The following TMEM63A variants were observed in gnomAD, a reference collection of about 807,000 sequenced individuals.
The protein encoded by TMEM63A is transmembrane protein 63A, also known as mechanosensitive cation channel TMEM63A.
TMEM63A carries 76 observed loss-of-function variants against 100.6 expected under a neutral mutation model. That is an observed-to-expected ratio of 0.76 (90% confidence interval 0.63 to 0.91). TMEM63A has a LOEUF of 0.91. Among genes scored for constraint, TMEM63A ranks in the 40% least tolerant of loss-of-function variants. The probability of loss-of-function intolerance (pLI) is 0.00; values close to 1 mark genes in which losing one functional copy is unlikely to be tolerated. For missense variants in TMEM63A, 876 were observed against 1,008.8 expected (o/e 0.87, Z 1.78); for synonymous variants, 401 against 401.1 (o/e 1.00, Z 0.00).
chr1:225,877,499 T>G lies in TMEM63A; in HGVS notation c.82A>C (p.Asn28His). The change falls in exon 3 of 25, where the codon AAC becomes CAC. Residue 28 changes from asparagine to histidine, a missense_variant. Physicochemically the swap from Asn to His is moderately conservative, Grantham distance 68. This residue lies in a region of TMEM63A where 43 missense variants were observed against 48.9 expected (regional missense o/e 0.88). Coordinates refer to ENST00000366835, the MANE Select transcript of TMEM63A (RefSeq NM_014698.3). Reference sequence around the variant, plus strand: ...GCCGAGTTGTAGCAATAGGAGTCGTTGGGCCGGTCCCCGAGTCCCAGCTGC... The same window carrying G: ...GCCGAGTTGTAGCAATAGGAGTCGTGGGGCCGGTCCCCGAGTCCCAGCTGC... ...REQLGLGDRPNDSYCYNSAKN... is the reference protein window; with the variant it reads ...REQLGLGDRPHDSYCYNSAKN... 1 of 1,614,186 alleles carries G rather than the reference T, an allele frequency of 6.2e-7. No individual in the cohort carries two copies. Among genetic ancestry groups the G allele is most frequent in the Non-Finnish European group, 8.5e-7 (1 of 1,180,032 alleles).
chr1:225,856,001 T>A, intron 17 of TMEM63A, 61 bp from the exon 18 acceptor site: 1 of 1,548,308 alleles, frequency 6.5e-7, no homozygotes, highest in South Asian at 1.2e-5. Context: ...TCACTACACA[T>A]GCTTTCATTT....
chr1:225,881,321 G>C (rs925025241), intron 1 of TMEM63A, among the ~76,000 whole-genome samples: 3 of 152,200 alleles, frequency 2.0e-5, no homozygotes, highest in African/African-American at 7.2e-5. Context: ...TTCTCTCACG[G>C]AGCTGTTGGG....
chr1:225,844,238 G>GA (rs1189914118), downstream of TMEM63A, among the ~76,000 whole-genome samples: 1 of 152,094 alleles, frequency 6.6e-6, no homozygotes, highest in Non-Finnish European at 1.5e-5. Context: ...TGGCAGGAGA[G>GA]AGGGGACAGG....
intron 10 of TMEM63A, chr1:225,864,944 G>A (rs1355719958): frequency 2.0e-5 from 3 of 152,172 alleles, no homozygotes; most frequent in African/African-American, 4.8e-5. Flanking sequence ...AACATAGCAA[G>A]ACTCTATCTC....
At chr1:225,842,391 G>A (rs1258399514), downstream of TMEM63A, 1 of 1,613,748 alleles carries the variant, frequency 6.2e-7, no homozygotes, top group East Asian at 2.2e-5. Flanking sequence ...ACTCTCCTGT[G>A]GGTCTGGCTG....
At chr1:225,852,795 T>C (rs760802560) in intron 19 of TMEM63A, 26 bp from the exon 20 acceptor site, 2 of 1,601,082 alleles carry the variant, frequency 1.2e-6, no homozygotes, top group Non-Finnish European at 1.7e-6. Context: ...GGTGAGGAGC[T>C]CATGGACTTG....
Position 225,865,705 on chromosome 1 carries a change from G to A in TMEM63A, c.746+192C>T. 1.7e-6 allele frequency: 1 copy of A among 603,150 alleles called. No homozygotes were observed. The highest frequency in any genetic ancestry group is 2.9e-5 in the East Asian group (1 of 34,990). 37.4% of individuals were successfully genotyped at this position (603,150 alleles called of 1,614,324 possible). Reference sequence around the variant, plus strand: ...ATAGGCCACCAGGGCGCTATTCACTGCACAGCACCAGCAGGGCTGGCACAC... The same window carrying A: ...ATAGGCCACCAGGGCGCTATTCACTACACAGCACCAGCAGGGCTGGCACAC... On this transcript the variant is annotated intron_variant, in intron 10 of 24. Coordinates refer to ENST00000366835, the MANE Select transcript of TMEM63A (RefSeq NM_014698.3). This position sits in a 1 kb window ranked among gnomAD's most constrained non-coding sequence, Gnocchi z 4.6.
chr1:225,862,803 G>A lies in TMEM63A; in HGVS notation c.795C>T (p.Asn265=), dbSNP rs10915888. ...TGCACAGGTAGATCAGTTTGGCCAC[G>A]TTGTAGCACAGCTGCACATCAACCA... is the stretch of plus-strand genomic sequence containing the variant. ...CEVVDVQLCY[N]VAKLIYLCKE... Residue 265 remains asparagine (N), a synonymous_variant, in exon 11 of 25, where the codon AAC becomes AAT. Coordinates refer to ENST00000366835, the MANE Select transcript of TMEM63A (RefSeq NM_014698.3). This position sits in a 1 kb window ranked among gnomAD's most constrained non-coding sequence, Gnocchi z 5.1. 6.7e-3 allele frequency: 10,863 copies of A among 1,613,824 alleles called. 613 individuals are homozygous for A. In the African/African-American group the frequency reaches 0.13, roughly 19 times the overall value.
intron 2 of TMEM63A, among the ~76,000 whole-genome samples, chr1:225,878,067 G>C (rs1313607580): frequency 1.3e-5 from 2 of 152,022 alleles, no homozygotes; most frequent in African/African-American, 4.8e-5. Flanking sequence ...AGGGAAGAAG[G>C]GAACATCCAA....
In TMEM63A at chr1:225,865,897, C is replaced by T. The variant is rs200544450; in HGVS notation, c.746G>A (p.Arg249Gln). The change falls in exon 10 of 25, where the codon CGG becomes CAG. Residue 249 changes from arginine (R) to glutamine (Q), a missense_variant and splice_region_variant. Coordinates refer to ENST00000366835, the MANE Select transcript of TMEM63A (RefSeq NM_014698.3). The surrounding 1 kb of genome is among the most constrained non-coding windows in gnomAD (Gnocchi z 4.6). Reference sequence around the variant, plus strand: ...CTCCCCTCCCACCCCACCTGCTTACCGGAAGTGGCTCTCCACAGTCTCCTT... The same window carrying T: ...CTCCCCTCCCACCCCACCTGCTTACTGGAAGTGGCTCTCCACAGTCTCCTT... Reference protein sequence around the residue: ...ARKETVESHFRDAYPTCEVVD... With the variant: ...ARKETVESHFQDAYPTCEVVD... 3.7e-6 allele frequency: 6 copies of T among 1,613,924 alleles called. No individual in the cohort carries two copies. Among genetic ancestry groups the T allele is most frequent in the East Asian group, 4.5e-5 (2 of 44,874 alleles).
chr1:225,877,428 G>A lies in TMEM63A; in HGVS notation c.153C>T (p.Pro51=), dbSNP rs769645712. ...AGCTGACGTCTATGAGCAGGACAGT[G>A]GGGATGCCACCAAAGGTGACCCCCT... The part of the protein sequence containing the change: ...VLQGVTFGGI[P]TVLLIDVSCF... Residue 51 remains proline (P), a synonymous_variant, in exon 3 of 25, where the codon CCC becomes CCT. Transcript: ENST00000366835. 1.4e-5 allele frequency: 23 copies of A among 1,614,050 alleles called. No homozygotes were observed. The African/African-American group carries it at 2.5e-4, about 18-fold the overall frequency.
At chr1:225,856,006 T>C in intron 17 of TMEM63A, 66 bp from the exon 18 acceptor site, 1 of 1,536,716 alleles carries the variant, frequency 6.5e-7, no homozygotes, top group African/African-American at 1.4e-5. Flanking sequence ...ACACATGCTT[T>C]CATTTTCTTT....
downstream of TMEM63A, chr1:225,845,166 C>T (rs1235534174): frequency 1.9e-6 from 3 of 1,614,162 alleles, no homozygotes; most frequent in African/African-American, 1.3e-5. Context: ...TATGTGCCCA[C>T]TGGCTTCTCT....
chr1:225,855,103 C>T (rs1219407347), intron 18 of TMEM63A, among the ~76,000 whole-genome samples: 1 of 152,184 alleles, frequency 6.6e-6, no homozygotes, highest in Non-Finnish European at 1.5e-5. Flanking sequence ...TCAGCAAGAA[C>T]TCATTTAAAA....
downstream of TMEM63A, among the ~76,000 whole-genome samples, chr1:225,841,548 T>G (rs569911289): frequency 6.6e-6 from 1 of 151,128 alleles, no homozygotes; most frequent in African/African-American, 2.4e-5. Context: ...CCTCCCAAAG[T>G]GCTGGGATTA....
intron 21 of TMEM63A, 35 bp from the exon 22 acceptor site, chr1:225,849,047 AGG>A: frequency 2.2e-6 from 1 of 461,094 alleles, no homozygotes. Context: ...TGGGGTGGGC[AGG>A]GAGGGGCCAC....
chr1:225,869,731 T>C (rs967470770), intron 6 of TMEM63A, among the ~76,000 whole-genome samples: 6 of 143,680 alleles, frequency 4.2e-5, no homozygotes, highest in East Asian at 2.1e-4. Flanking sequence ...GGGGTGATCT[T>C]GGCTCACTGC....
rs545333804 is a variant in TMEM63A at position 225,851,389 on chromosome 1, G to T, written c.1903+1275C>A. 2.6e-5 allele frequency among the ~76,000 whole-genome samples: 4 copies of T among 151,650 alleles called. No homozygotes were observed. In the South Asian group the frequency reaches 6.3e-4, roughly 24 times the overall value. The stretch of plus-strand genomic sequence containing the variant: ...TGTTTTTTTATTTTTTATTTTTTTT[G>T]AGATGGAGTCTCGCTCATTGGTCAG... On this transcript the variant is annotated intron_variant, in intron 20 of 24. Coordinates refer to ENST00000366835, the MANE Select transcript of TMEM63A (RefSeq NM_014698.3).
chr1:225,859,070 T>C, intron 15 of TMEM63A, 126 bp downstream of exon 15: 1 of 1,382,076 alleles, frequency 7.2e-7, no homozygotes, highest in Non-Finnish European at 9.9e-7. Context: ...GGATGTGAGC[T>C]GAGCAACATG....
Sources: allele counts gnomAD v4.1 joint callset (sites outside exome capture counted in the v4.1 genomes callset), GRCh38; gene constraint gnomAD v4.1.1; regional missense constraint gnomAD v4.1.1; non-coding constraint Gnocchi (gnomAD v3.1); transcripts MANE v1.5; gene names NCBI Gene and HGNC (gene_info 2026-07-23, HGNC 2026-07-21).